DOCK9: variants seen among roughly 807,000 people sequenced by gnomAD.
DOCK9 encodes dedicator of cytokinesis 9.
In DOCK9, 89 loss-of-function variants were observed where a neutral mutation model predicts 263.3. The ratio of observed to expected loss-of-function variants is 0.34; its 90% CI spans 0.28 to 0.40. The LOEUF is 0.40. Among genes scored for constraint, DOCK9 ranks in the 10% least tolerant of loss-of-function variants. The pLI, the probability that DOCK9 is intolerant of heterozygous loss-of-function variation, is 1.00. For missense variants in DOCK9, 2,140 were observed against 2,603.4 expected, an observed-to-expected ratio of 0.82 and a Z score of 3.87; for synonymous variants, 976 against 973.1, an observed-to-expected ratio of 1.00 and a Z score of -0.06.
At chr13:98,806,073 T>G (rs2090673114) in intron 48 of DOCK9, among the ~76,000 whole-genome samples, 1 of 152,214 alleles carries the variant, frequency 6.6e-6, no homozygotes, top group South Asian at 2.1e-4. Flanking sequence ...TCTGATTGTT[T>G]CTTAAACTGC....
At chr13:98,806,777 C>T (rs1361279138) in intron 48 of DOCK9, among the ~76,000 whole-genome samples, 5 of 151,876 alleles carry the variant, frequency 3.3e-5, no homozygotes, top group South Asian at 2.1e-4. Flanking sequence ...GGCGTGGTGG[C>T]GCGTTCCTGT....
At chr13:99,003,686 C>G (rs912736780) in intron 1 of DOCK9, among the ~76,000 whole-genome samples, 4 of 152,040 alleles carry the variant, frequency 2.6e-5, no homozygotes, top group South Asian at 2.1e-4. Context: ...TGCCAAATCT[C>G]TCATTTAACA....
At chr13:98,986,627 T>C (rs775618924) in intron 1 of DOCK9, among the ~76,000 whole-genome samples, 45 of 152,220 alleles carry the variant, frequency 3.0e-4, no homozygotes, top group Non-Finnish European at 6.0e-4. Flanking sequence ...GCAGCAAAGA[T>C]GATGTATCCC....
At chr13:98,941,400 G>A (rs1595506960) in intron 2 of DOCK9, among the ~76,000 whole-genome samples, 1 of 152,148 alleles carries the variant, frequency 6.6e-6, no homozygotes, top group African/African-American at 2.4e-5. Flanking sequence ...ACTGCTTCCT[G>A]AAAAGTCAGA....
intron 1 of DOCK9, among the ~76,000 whole-genome samples, chr13:99,061,260 G>C (rs900816785): frequency 1.3e-5 from 2 of 152,136 alleles, no homozygotes; most frequent in African/African-American, 2.4e-5. Flanking sequence ...AAAAGACAAT[G>C]AAGGATGTCA....
At chr13:99,028,578 A>C (rs9517555) in intron 1 of DOCK9, among the ~76,000 whole-genome samples, 75,331 of 151,984 alleles carry the variant, frequency 0.5, 18,943 homozygotes, top group East Asian at 0.65. Context: ...GAACGAGAAC[A>C]AATTTCTTCT....
At chr13:99,014,022 G>A (rs2141960466) in intron 1 of DOCK9, among the ~76,000 whole-genome samples, 1 of 152,358 alleles carries the variant, frequency 6.6e-6, no homozygotes, top group East Asian at 1.9e-4. Flanking sequence ...GCAGCCGACA[G>A]GATGCATGAC....
rs3831160 is a variant in DOCK9 at position 98,825,727 on chromosome 13, G to GACC, written c.5023+1100_5023+1102dup. On this transcript the variant is annotated intron_variant, in intron 44 of 52. Coordinates refer to ENST00000682017, the MANE Select transcript of DOCK9 (RefSeq NM_001366683.2). The surrounding 1 kb of genome is among the most constrained non-coding windows in gnomAD (Gnocchi z 4.1). ...CTTTCCTCTTGTGCCCACAGGAATA[G>GACC]ACCAGCCAACCAGAGAGCCACAGAG... 201,896 of 498,214 alleles carry GACC rather than the reference G, an allele frequency of 0.41. 44,713 individuals are homozygous for GACC. The highest frequency in any genetic ancestry group is 0.68 in the East Asian group (19,657 of 28,890). The allele number at this position is 498,214 out of a possible 1,614,324, so 30.9% of individuals were successfully genotyped here.
intron 2 of DOCK9, among the ~76,000 whole-genome samples, chr13:98,946,326 CAA>C (rs2056700486): frequency 6.6e-6 from 1 of 152,156 alleles, no homozygotes; most frequent in Admixed American, 6.5e-5. Flanking sequence ...GAGGGACAGA[CAA>C]AGGCTGTGGC....
intron 1 of DOCK9, among the ~76,000 whole-genome samples, chr13:98,973,005 G>A (rs1389249674): frequency 1.3e-5 from 2 of 152,190 alleles, no homozygotes; most frequent in Non-Finnish European, 2.9e-5. Flanking sequence ...TGTAGTGAAG[G>A]TGTATGGCTT....
At chr13:99,034,934 A>T (rs1019346245) in intron 1 of DOCK9, among the ~76,000 whole-genome samples, 2 of 152,160 alleles carry the variant, frequency 1.3e-5, no homozygotes, top group African/African-American at 4.8e-5. Flanking sequence ...TCAATGTGGA[A>T]CCACCGGATT....
intron 1 of DOCK9, among the ~76,000 whole-genome samples, chr13:98,975,466 A>AACACAC (rs778389687): frequency 1.0e-4 from 10 of 98,330 alleles, no homozygotes; most frequent in South Asian, 4.5e-4. Context: ...ATATTCTCTA[A>AACACAC]ACACATACAC....
At chr13:99,026,152 A>AAGG (rs1475428603) in intron 1 of DOCK9, among the ~76,000 whole-genome samples, 2 of 152,070 alleles carry the variant, frequency 1.3e-5, no homozygotes, top group African/African-American at 4.8e-5. Flanking sequence ...GGTGATGGCT[A>AAGG]AGGGGTCCAG....
intron 27 of DOCK9, among the ~76,000 whole-genome samples, chr13:98,877,813 A>G (rs1344445837): frequency 2.6e-5 from 4 of 152,228 alleles, no homozygotes; most frequent in Non-Finnish European, 5.9e-5. Context: ...CAAACATAGT[A>G]GGGGCTCAAT....
intron 30 of DOCK9, 30 bp from the exon 31 acceptor site, chr13:98,863,578 A>G: frequency 2.5e-6 from 4 of 1,570,186 alleles, no homozygotes; most frequent in Non-Finnish European, 3.5e-6. Context: ...TACTTGAGTT[A>G]GGAAAGATGC....
At chr13:99,067,918 C>G (rs1036828335) in intron 1 of DOCK9, among the ~76,000 whole-genome samples, 26 of 142,934 alleles carry the variant, frequency 1.8e-4, no homozygotes, top group African/African-American at 6.8e-4. Context: ...ATGGAAAAAA[C>G]ATCTGTAGTT....
At chr13:99,068,134 T>C (rs140216527) in intron 1 of DOCK9, among the ~76,000 whole-genome samples, 296 of 152,260 alleles carry the variant, frequency 1.9e-3, no homozygotes, top group African/African-American at 6.6e-3. Context: ...GAAACCCTCA[T>C]CTGCTATTGG....
chr13:98,924,864 G>A (rs1385517251), intron 4 of DOCK9, among the ~76,000 whole-genome samples: 2 of 152,018 alleles, frequency 1.3e-5, no homozygotes, highest in East Asian at 1.9e-4. Flanking sequence ...AACTATAAGC[G>A]AAATAAATCT....
chr13:99,012,523 G>C (rs1884678215), intron 1 of DOCK9, among the ~76,000 whole-genome samples: 1 of 152,310 alleles, frequency 6.6e-6, no homozygotes, highest in East Asian at 1.9e-4. Context: ...AGTTAAGCCA[G>C]AATCACAGGC....
Sources: allele counts gnomAD v4.1 joint callset (sites outside exome capture counted in the v4.1 genomes callset), GRCh38; gene constraint gnomAD v4.1.1; non-coding constraint Gnocchi (gnomAD v3.1); transcripts MANE v1.5; gene names NCBI Gene and HGNC (gene_info 2026-07-23, HGNC 2026-07-21).